Variants in LPP observed in about 807,000 individuals in gnomAD.
LPP encodes the protein LIM domain containing preferred translocation partner in lipoma.
In LPP, 38 loss-of-function variants were observed where a neutral mutation model predicts 60.4. The ratio of observed to expected loss-of-function variants is 0.63; its 90% CI spans 0.49 to 0.83. The LOEUF is 0.83. Ranked by LOEUF, LPP falls within the 40% of genes least tolerant of loss-of-function variation. The probability of loss-of-function intolerance (pLI) is 0.00; values close to 1 mark genes in which losing one functional copy is unlikely to be tolerated. For synonymous variants in LPP, 328 were observed against 290.8 expected, an observed-to-expected ratio of 1.13 and a Z score of -1.30; for missense variants, 902 against 783.6, an observed-to-expected ratio of 1.15 and a Z score of -1.80.
At chr3:188,825,269 C>CTGTGTGTGTGTG (rs3057956) in intron 9 of LPP, among the ~76,000 whole-genome samples, 4 of 101,756 alleles carry the variant, frequency 3.9e-5, no homozygotes, top group Admixed American at 1.2e-4. Flanking sequence ...CTCTCTCTCT[C>CTGTGTGTGTGTG]TGTGTGTGTG....
At chr3:188,394,998 G>A (rs902583587) in intron 3 of LPP, among the ~76,000 whole-genome samples, 1 of 152,076 alleles carries the variant, frequency 6.6e-6, no homozygotes, top group East Asian at 1.9e-4. Flanking sequence ...CAAATACTGA[G>A]AAATAATTTC....
chr3:188,640,536 T>A (rs541382034), intron 7 of LPP, among the ~76,000 whole-genome samples: 1 of 142,774 alleles, frequency 7.0e-6, no homozygotes, highest in Non-Finnish European at 1.5e-5. Context: ...ATAATAATAA[T>A]AAAAGTTTGG....
chr3:188,462,588 ATGTGTG>A (rs71169003), intron 4 of LPP, among the ~76,000 whole-genome samples: 16,493 of 57,090 alleles, frequency 0.29, 2,455 homozygotes, highest in South Asian at 0.34. Context: ...ATATATATGC[ATGTGTG>A]TGTGTGTGTG....
intron 2 of LPP, among the ~76,000 whole-genome samples, chr3:188,283,339 C>T (rs909191256): frequency 1.2e-4 from 19 of 152,050 alleles, no homozygotes; most frequent in Non-Finnish European, 2.8e-4. Flanking sequence ...TGCAGTTGCC[C>T]CTGTTACAAG....
At chr3:188,495,556 C>T (rs1393693295) in intron 5 of LPP, among the ~76,000 whole-genome samples, 1 of 152,076 alleles carries the variant, frequency 6.6e-6, no homozygotes, top group Non-Finnish European at 1.5e-5. Context: ...CCTCAAAAAG[C>T]AGCCATTGTC....
chr3:188,377,471 T>G (rs1446075226), intron 3 of LPP, among the ~76,000 whole-genome samples: 2 of 152,196 alleles, frequency 1.3e-5, no homozygotes, highest in East Asian at 1.9e-4. Context: ...GTCCATCACT[T>G]ATACCCTTTC....
chr3:188,368,499 G>C (rs1399600048), intron 3 of LPP, among the ~76,000 whole-genome samples: 1 of 151,970 alleles, frequency 6.6e-6, no homozygotes, highest in Non-Finnish European at 1.5e-5. Flanking sequence ...GGGCCAGAAG[G>C]CTTTAGTAAT....
At chr3:188,336,042 A>G (rs547663285) in intron 2 of LPP, among the ~76,000 whole-genome samples, 80 of 152,278 alleles carry the variant, frequency 5.3e-4, no homozygotes, top group African/African-American at 1.8e-3. Flanking sequence ...AAGTTGTAGA[A>G]ATTTGTGGCA....
intron 4 of LPP, among the ~76,000 whole-genome samples, chr3:188,454,318 A>T (rs1797253859): frequency 6.6e-6 from 1 of 152,228 alleles, no homozygotes; most frequent in African/African-American, 2.4e-5. Flanking sequence ...GGTATTTGAG[A>T]AGTGTGGTCT....
chr3:188,287,532 T>A (rs62291419), intron 2 of LPP, among the ~76,000 whole-genome samples: 11,418 of 152,278 alleles, frequency 0.075, 714 homozygotes, highest in African/African-American at 0.17. Context: ...ATGGTTCTCG[T>A]TGCTGTCAAA....
intron 4 of LPP, among the ~76,000 whole-genome samples, chr3:188,442,048 G>T (rs1358331101): frequency 6.6e-6 from 1 of 152,300 alleles, no homozygotes; most frequent in East Asian, 1.9e-4. Flanking sequence ...TGGCTGGTGG[G>T]CACTAGGTGC....
chr3:188,446,748 A>G (rs1795326654), intron 4 of LPP, among the ~76,000 whole-genome samples: 1 of 152,206 alleles, frequency 6.6e-6, no homozygotes, highest in South Asian at 2.1e-4. Flanking sequence ...CTATGTTTTC[A>G]ACATGGCAAT....
intron 8 of LPP, among the ~76,000 whole-genome samples, chr3:188,733,700 C>G (rs757705039): frequency 6.6e-6 from 1 of 152,214 alleles, no homozygotes; most frequent in African/African-American, 2.4e-5. Context: ...TTACCAAATT[C>G]AGTTGTTAAC....
intron 7 of LPP, among the ~76,000 whole-genome samples, chr3:188,702,221 G>T (rs1864604400): frequency 6.6e-6 from 1 of 151,894 alleles, no homozygotes; most frequent in African/African-American, 2.4e-5. Flanking sequence ...CTCCCAAAGT[G>T]CTGGGATTAT....
Position 188,245,349 on chromosome 3 carries a change from G to A in LPP, c.-67+19822G>A, listed in dbSNP as rs528759756. On this transcript the variant is annotated intron_variant, in intron 2 of 11. Transcript: ENST00000617246. Reference sequence around the variant, plus strand: ...GCTGGTCTCGAACTTCTGACCTCGTGATCTGCCTGCCTCGGCCTCCCAAAG... The same window carrying A: ...GCTGGTCTCGAACTTCTGACCTCGTAATCTGCCTGCCTCGGCCTCCCAAAG... Among the ~76,000 whole-genome samples the A allele has an allele frequency of 3.3e-5, 5 of 152,234 alleles. No homozygotes were observed. In the South Asian group the frequency reaches 6.2e-4, roughly 19 times the overall value.
intron 2 of LPP, among the ~76,000 whole-genome samples, chr3:188,291,269 G>C (rs1745841285): frequency 6.6e-6 from 1 of 152,130 alleles, no homozygotes; most frequent in South Asian, 2.1e-4. Context: ...TGTTGATTTT[G>C]AGATGTTTCT....
At chr3:188,862,593 C>T (rs538195630) in intron 9 of LPP, among the ~76,000 whole-genome samples, 12 of 151,486 alleles carry the variant, frequency 7.9e-5, no homozygotes, top group South Asian at 6.3e-4. Flanking sequence ...CATGGGACCA[C>T]GATGGAGCTG....
intron 2 of LPP, among the ~76,000 whole-genome samples, chr3:188,237,889 C>A (rs1422352553): frequency 6.6e-6 from 1 of 152,192 alleles, no homozygotes; most frequent in Non-Finnish European, 1.5e-5. Context: ...AAGAGAGTTA[C>A]CCTGTCCTTT....
intron 7 of LPP, among the ~76,000 whole-genome samples, chr3:188,636,914 C>T (rs1286307615): frequency 7.0e-6 from 1 of 143,566 alleles, no homozygotes; most frequent in Non-Finnish European, 1.5e-5. Flanking sequence ...CTGTACATCA[C>T]CATCATCAAA....
Sources: gnomAD v4.1 joint callset for allele counts (sites outside exome capture counted in the v4.1 genomes callset) on GRCh38, gnomAD v4.1.1 for gene constraint, MANE v1.5 for transcripts, NCBI Gene and HGNC (gene_info 2026-07-23, HGNC 2026-07-21) for gene names.